The following NOM1 variants were observed in gnomAD, a reference collection of about 807,000 sequenced individuals.
NOM1 encodes the protein nucleolar MIF4G domain-containing protein 1.
In NOM1, 58 loss-of-function variants were observed where a neutral mutation model predicts 73.3. The ratio of observed to expected loss-of-function variants is 0.79; its 90% CI spans 0.64 to 0.99. The LOEUF is 0.99. NOM1 is among the 50% of genes least tolerant of loss of function. The pLI is 0.00. For missense variants in NOM1, 1,226 were observed against 1,131.9 expected (o/e 1.08, Z -1.19); for synonymous variants, 487 against 446.8 (o/e 1.09, Z -1.14).
Position 156,950,110 on chromosome 7 carries a change from G to A in NOM1, c.373G>A (p.Asp125Asn). ...CGAAGAAGCCAGCGGTCACCGGCAG[G>A]ACACGGAGGAGCGCGCCCGCCCAGC... ...GAEEASGHRQ[D>N]TEERARPAPS... is the part of the protein sequence containing the mutation. Residue 125 changes from aspartate to asparagine, a missense_variant, in exon 1 of 11, where the codon GAC (aspartate) becomes AAC (asparagine). Physicochemically the swap from Asp to Asn is conservative, Grantham distance 23. Coordinates refer to ENST00000275820, the MANE Select transcript of NOM1 (RefSeq NM_138400.2). 5.8e-6 allele frequency: 9 copies of A among 1,552,120 alleles called. No individual in the cohort carries two copies. The South Asian group carries it at 9.3e-5, about 16-fold the overall frequency.
Position 156,970,811 on chromosome 7 carries a change from A to C in NOM1, c.*1108A>C, listed in dbSNP as rs565220686. 3.3e-5 allele frequency: 5 copies of C among 152,368 alleles called. No individual in the cohort carries two copies. The East Asian group carries it at 9.6e-4, about 29-fold the overall frequency. The allele number at this position is 152,368 out of a possible 1,614,324, so 9.4% of individuals were successfully genotyped here. A position where few individuals can be genotyped will look rare whatever the true frequency, so the allele number is the denominator to read the frequency against. Reference sequence around the variant, plus strand: ...TGGCCTTATGTACACTGTAATGCAGACAGGTGCTTTTCATCATTCATGTAA... The same window carrying C: ...TGGCCTTATGTACACTGTAATGCAGCCAGGTGCTTTTCATCATTCATGTAA... On this transcript the variant is annotated 3_prime_UTR_variant, in exon 11 of 11. Transcript: ENST00000275820.
Position 156,952,401 on chromosome 7 carries a change from C to T in NOM1, c.988-73C>T, listed in dbSNP as rs1586563939. On this transcript the variant is annotated intron_variant, in intron 1 of 10. Transcript: ENST00000275820. ...TTCTTGGAAGTTTAATATTTAAATACACATATGGCAAAGAAAAAACACAGG... is the reference window on the plus strand; with the variant it reads ...TTCTTGGAAGTTTAATATTTAAATATACATATGGCAAAGAAAAAACACAGG... 8 of 1,499,084 alleles carry T rather than the reference C, an allele frequency of 5.3e-6. No individual in the cohort carries two copies. The East Asian group carries it at 1.8e-4, about 34-fold the overall frequency. The allele number at this position is 1,499,084 out of a possible 1,614,324, so 92.9% of individuals were successfully genotyped here. A position where few individuals can be genotyped will look rare whatever the true frequency, so the allele number is the denominator to read the frequency against.
At chr7:156,957,564 A>G (rs929543659) in intron 3 of NOM1, among the ~76,000 whole-genome samples, 3 of 152,164 alleles carry the variant, frequency 2.0e-5, no homozygotes, top group Non-Finnish European at 4.4e-5. Flanking sequence ...TCATGAGGTC[A>G]GGAGATTGAG....
chr7:156,950,768 A>T, intron 1 of NOM1, 44 bp downstream of exon 1: 3 of 1,500,074 alleles, frequency 2.0e-6, no homozygotes, highest in Non-Finnish European at 2.7e-6. Context: ...TTTCCTTCAA[A>T]ATAACGGGAC....
At position 156,950,147 on chromosome 7, in the gene NOM1, AC is replaced by A; in HGVS notation, c.414del (p.Ser139ArgfsTer38). 1 of 1,581,536 alleles carries A rather than the reference AC, an allele frequency of 6.3e-7. No homozygotes were observed. On this transcript the variant is annotated frameshift_variant, in exon 1 of 11. Transcript: ENST00000275820. LOFTEE classifies it high-confidence loss of function. The stretch of plus-strand genomic sequence containing the variant: ...CGCGCCCGCCCAGCCCCTAGTCGGG[AC>A]CCCTCGCCTCCCAGGAAGCCGCGGC... ...EERARPAPSR[D>X]PSPPRKPRPS...
intron 2 of NOM1, 29 bp from the exon 3 acceptor site, chr7:156,954,073 GT>G: frequency 6.4e-7 from 1 of 1,571,740 alleles, no homozygotes. Flanking sequence ...TGGAAACATT[GT>G]TGCTCTCTGT....
Position 156,966,930 on chromosome 7 carries a change from G to A in NOM1, c.2167-31G>A, listed in dbSNP as rs776800871. 5.7e-6 allele frequency: 9 copies of A among 1,584,376 alleles called. No homozygotes were observed. In the African/African-American group the frequency reaches 1.2e-4, roughly 22 times the overall value. On this transcript the variant is annotated intron_variant, in intron 8 of 10. Coordinates refer to ENST00000275820, the MANE Select transcript of NOM1 (RefSeq NM_138400.2). ...ATATTATAGTAATTTGTGGCCGTTTGCCTTTTTTCTCCTTTTAACTATGAT... is the reference window on the plus strand; with the variant it reads ...ATATTATAGTAATTTGTGGCCGTTTACCTTTTTTCTCCTTTTAACTATGAT...
chr7:156,968,726 TATATATAG>T, intron 9 of NOM1: 1 of 136,420 alleles, frequency 7.3e-6, no homozygotes. Flanking sequence ...TATATATATA[TATATATAG>T]TTTTAATTAG....
In NOM1 at chr7:156,972,116, G is replaced by A. The variant is rs1349580325; in HGVS notation, c.*2413G>A. The A allele has an allele frequency of 6.6e-6, 1 of 152,216 alleles. No individual in the cohort carries two copies. Among genetic ancestry groups the A allele is most frequent in the Non-Finnish European group, 1.5e-5 (1 of 68,046 alleles). The allele number at this position is 152,216 out of a possible 1,614,324, so 9.4% of individuals were successfully genotyped here. A position where few individuals can be genotyped will look rare whatever the true frequency, so the allele number is the denominator to read the frequency against. ...TTCCTCCAGAAGGTCTTACTGTGAA[G>A]GAAAAAATGTCAGTTGAACTAAATT... is the stretch of plus-strand genomic sequence containing the variant. On this transcript the variant is annotated 3_prime_UTR_variant, in exon 11 of 11. Transcript: ENST00000275820.
rs374068768 is a variant in NOM1 at position 156,969,575 on chromosome 7, C to G, written c.2455C>G (p.Leu819Val). Reference sequence around the variant, plus strand: ...GGGGGTGTTACGTGAGGGTTTGAAGCTTTTCATCAGCCACTTCTTGCTAAA... The same window carrying G: ...GGGGGTGTTACGTGAGGGTTTGAAGGTTTTCATCAGCCACTTCTTGCTAAA... ...KLGVLREGLKLFISHFLLKNA... is the reference protein window; with the variant it reads ...KLGVLREGLKVFISHFLLKNA... Residue 819 changes from leucine to valine, a missense_variant, in exon 11 of 11, where the codon CTT (leucine) becomes GTT (valine). Coordinates refer to ENST00000275820, the MANE Select transcript of NOM1 (RefSeq NM_138400.2). 22 of 1,613,930 alleles carry G rather than the reference C, an allele frequency of 1.4e-5. No homozygotes were observed. Among genetic ancestry groups the G allele is most frequent in the Non-Finnish European group, 1.7e-5 (20 of 1,179,986 alleles).
At chr7:156,967,295 C>T (rs1012626684) in intron 9 of NOM1, among the ~76,000 whole-genome samples, 2 of 152,196 alleles carry the variant, frequency 1.3e-5, no homozygotes, top group African/African-American at 4.8e-5. Context: ...GGCACCGCTG[C>T]AGTTCTTTTG....
Position 156,971,801 on chromosome 7 carries a change from CTG to C in NOM1, c.*2102_*2103del, listed in dbSNP as rs908038673. The C allele has an allele frequency of 2.0e-5, 3 of 152,384 alleles. No homozygotes were observed. The highest frequency in any genetic ancestry group is 7.2e-5 in the African/African-American group (3 of 41,590). The allele number at this position is 152,384 out of a possible 1,614,324, so 9.4% of individuals were successfully genotyped here. On this transcript the variant is annotated 3_prime_UTR_variant, in exon 11 of 11. Coordinates refer to ENST00000275820, the MANE Select transcript of NOM1 (RefSeq NM_138400.2). ...AAAGTAACTGAAAGCAGCACAGAGA[CTG>C]TGTCGTCCCTACAGACTTCTAACCC... is the stretch of plus-strand genomic sequence containing the variant.
At chr7:156,959,106 CTTT>C (rs5888696) in intron 3 of NOM1, among the ~76,000 whole-genome samples, 6 of 147,110 alleles carry the variant, frequency 4.1e-5, no homozygotes, top group African/African-American at 5.0e-5. Flanking sequence ...GGTAGTGGAA[CTTT>C]TTTTTTTTTT....
At chr7:156,951,636 A>T (rs754376840) in intron 1 of NOM1, among the ~76,000 whole-genome samples, 1 of 152,146 alleles carries the variant, frequency 6.6e-6, no homozygotes, top group Non-Finnish European at 1.5e-5. Flanking sequence ...GTGCCTTGCA[A>T]ATGTTTGTGT....
intron 4 of NOM1, among the ~76,000 whole-genome samples, chr7:156,960,566 A>G (rs76656695): frequency 2.0e-5 from 3 of 152,082 alleles, no homozygotes; most frequent in Admixed American, 6.6e-5. Context: ...TGCCGTTCAG[A>G]TGATGAGATG....
Position 156,950,102 on chromosome 7 carries a change from A to C in NOM1, c.365A>C (p.His122Pro), listed in dbSNP as rs6952214. Residue 122 changes from histidine to proline, a missense_variant, in exon 1 of 11, where the codon CAC (histidine) becomes CCC (proline). Coordinates refer to ENST00000275820, the MANE Select transcript of NOM1 (RefSeq NM_138400.2). Reference sequence around the variant, plus strand: ...AGCGGAGCCGAAGAAGCCAGCGGTCACCGGCAGGACACGGAGGAGCGCGCC... The same window carrying C: ...AGCGGAGCCGAAGAAGCCAGCGGTCCCCGGCAGGACACGGAGGAGCGCGCC... ...GRSGAEEASG[H>P]RQDTEERARP... is the part of the protein sequence containing the mutation. 251,232 of 1,549,218 alleles carry C rather than the reference A, an allele frequency of 0.16. 21,739 individuals carry two copies. The highest frequency in any genetic ancestry group is 0.3 in the East Asian group (12,385 of 41,008).
intron 3 of NOM1, among the ~76,000 whole-genome samples, chr7:156,957,498 G>A (rs1205905795): frequency 3.3e-5 from 5 of 152,126 alleles, no homozygotes; most frequent in Non-Finnish European, 7.3e-5. Flanking sequence ...ACATACAGCC[G>A]GGTGTGGTGG....
Position 156,954,280 on chromosome 7 carries a change from C to A in NOM1, c.1290C>A (p.His430Gln), listed in dbSNP as rs544195413. ...ATGTTCTCTTAGTCAGCATCCTTCA[C>A]CACACAGTTGGAATCGAGGTACAGT... ...MEHVLLVSIL[H>Q]HTVGIEVGAH... The change falls in exon 3 of 11, where the codon CAC becomes CAA. Residue 430 changes from histidine to glutamine, a missense_variant. Physicochemically the swap from His to Gln is conservative, Grantham distance 24. Coordinates refer to ENST00000275820, the MANE Select transcript of NOM1 (RefSeq NM_138400.2). The A allele has an allele frequency of 6.3e-7, 1 of 1,598,044 alleles. No homozygotes were observed. Among genetic ancestry groups the A allele is most frequent in the African/African-American group, 1.3e-5 (1 of 74,228 alleles).
rs549671529 is a variant in NOM1 at position 156,960,482 on chromosome 7, A to G, written c.1632+308A>G. Among the ~76,000 whole-genome samples, 3 of 152,350 alleles carry G rather than the reference A, an allele frequency of 2.0e-5. No individual in the cohort carries two copies. The South Asian group carries it at 6.2e-4, about 32-fold the overall frequency. On this transcript the variant is annotated intron_variant, in intron 4 of 10. Transcript: ENST00000275820. ...ACTTTGGGCTCTGCCACTTGACAGCAGCATAACCTGGGTCTTCTGAGCCTC... is the reference window on the plus strand; with the variant it reads ...ACTTTGGGCTCTGCCACTTGACAGCGGCATAACCTGGGTCTTCTGAGCCTC...
Sources: gnomAD v4.1 joint callset for allele counts (sites outside exome capture counted in the v4.1 genomes callset) on GRCh38, gnomAD v4.1.1 for gene constraint, MANE v1.5 for transcripts, NCBI Gene and HGNC (gene_info 2026-07-23, HGNC 2026-07-21) for gene names.